Variants in NXPE2 observed in about 807,000 individuals in gnomAD.
NXPE2 encodes the protein NXPE family member 2.
A neutral mutation model predicts 34.4 loss-of-function variants in NXPE2; 34 were observed. The observed-to-expected ratio is 0.99, with a 90% CI of 0.75 to 1.31. The LOEUF (loss-of-function observed/expected upper bound fraction) is 1.31, where lower values mean the gene tolerates loss of function less well. NXPE2 is among the 40% of genes most tolerant of loss of function. The probability of loss-of-function intolerance (pLI) is 0.00; values close to 1 mark genes in which losing one functional copy is unlikely to be tolerated. For synonymous variants in NXPE2, 235 were observed against 231.3 expected (o/e 1.02, Z -0.15); for missense variants, 649 against 672.5 (o/e 0.97, Z 0.39).
upstream of NXPE2, among the ~76,000 whole-genome samples, chr11:114,674,060 G>C (rs1269815962): frequency 6.6e-6 from 1 of 151,408 alleles, no homozygotes; most frequent in African/African-American, 2.4e-5. Context: ...AGGAGAGAAG[G>C]GGCCTCCAGG....
chr11:114,470,201 A>G, the NXPE2 span, among the ~76,000 whole-genome samples: 1 of 152,002 alleles, frequency 6.6e-6, no homozygotes, highest in African/African-American at 2.4e-5. Context: ...TTTCTCTTGG[A>G]AGAATACCTA....
intron 2 of NXPE2, among the ~76,000 whole-genome samples, chr11:114,681,047 C>T (rs543097521): frequency 6.6e-6 from 1 of 152,262 alleles, no homozygotes; most frequent in Non-Finnish European, 1.5e-5. Flanking sequence ...GTCAATCAAG[C>T]TAAAACTCCC....
chr11:114,567,477 G>T, the NXPE2 span, among the ~76,000 whole-genome samples: 3 of 151,982 alleles, frequency 2.0e-5, no homozygotes, highest in Admixed American at 6.6e-5. Context: ...AGGCTGAACG[G>T]CAGCCTTGGG....
At chr11:114,553,992 G>C in the NXPE2 span, 1 of 985,358 alleles carries the variant, frequency 1.0e-6, no homozygotes, top group Non-Finnish European at 1.2e-6. Flanking sequence ...AAGTCAACTT[G>C]TCCAATTGCA....
chr11:114,519,693 A>G, the NXPE2 span, among the ~76,000 whole-genome samples: 20 of 152,174 alleles, frequency 1.3e-4, no homozygotes, highest in Non-Finnish European at 2.8e-4. Context: ...AGAGTGGTGC[A>G]GAGGCTTCAG....
At chr11:114,769,413 A>G in the NXPE2 span, among the ~76,000 whole-genome samples, 1 of 152,184 alleles carries the variant, frequency 6.6e-6, no homozygotes, top group African/African-American at 2.4e-5. Context: ...CAATTCCTCA[A>G]GGATCTAGAA....
upstream of NXPE2, among the ~76,000 whole-genome samples, chr11:114,675,682 T>C (rs955643153): frequency 1.3e-5 from 2 of 151,898 alleles, no homozygotes; most frequent in Non-Finnish European, 2.9e-5. Context: ...GCCCAAAACA[T>C]TCTACAGATT....
At chr11:114,572,942 A>T in the NXPE2 span, among the ~76,000 whole-genome samples, 3 of 152,174 alleles carry the variant, frequency 2.0e-5, no homozygotes, top group Non-Finnish European at 4.4e-5. Flanking sequence ...TGAAGGAAAA[A>T]ATCTTAAGAG....
chr11:114,755,005 C>T, the NXPE2 span, among the ~76,000 whole-genome samples: 6 of 152,086 alleles, frequency 3.9e-5, no homozygotes, highest in East Asian at 1.9e-4. Context: ...AAGTAAGTTG[C>T]GATCTATGAG....
At chr11:114,524,061 C>T in the NXPE2 span, among the ~76,000 whole-genome samples, 1 of 152,200 alleles carries the variant, frequency 6.6e-6, no homozygotes, top group Admixed American at 6.5e-5. Flanking sequence ...GACATTCTTA[C>T]TGTGTGGCTT....
At chr11:114,643,099 A>T in the NXPE2 span, among the ~76,000 whole-genome samples, 2 of 151,982 alleles carry the variant, frequency 1.3e-5, no homozygotes, top group Non-Finnish European at 2.9e-5. Context: ...CCACATTTTG[A>T]TGGGGTTGTT....
chr11:114,696,738 A>G (rs1951265812), intron 2 of NXPE2, among the ~76,000 whole-genome samples: 1 of 152,202 alleles, frequency 6.6e-6, no homozygotes, highest in African/African-American at 2.4e-5. Context: ...ATGTAGAGAG[A>G]AAGTCAGTTT....
chr11:114,514,905 ATATATT>A, the NXPE2 span, among the ~76,000 whole-genome samples: 4 of 152,180 alleles, frequency 2.6e-5, no homozygotes, highest in Middle Eastern at 3.4e-3. Context: ...TTAATAAACT[ATATATT>A]TATATGTATC....
At chr11:114,543,535 C>A in the NXPE2 span, among the ~76,000 whole-genome samples, 1 of 149,828 alleles carries the variant, frequency 6.7e-6, no homozygotes, top group African/African-American at 2.5e-5. Context: ...AAAAAAAAAT[C>A]TTTTTAGATT....
chr11:114,601,332 G>T, the NXPE2 span, among the ~76,000 whole-genome samples: 1 of 148,514 alleles, frequency 6.7e-6, no homozygotes, highest in African/African-American at 2.5e-5. Context: ...TTATAAGTGA[G>T]AATATGTGGT....
At chr11:114,769,309 C>CAA in the NXPE2 span, among the ~76,000 whole-genome samples, 1 of 152,016 alleles carries the variant, frequency 6.6e-6, no homozygotes, top group Non-Finnish European at 1.5e-5. Context: ...AGTCAGGAAA[C>CAA]AACAGATGCT....
the NXPE2 span, among the ~76,000 whole-genome samples, chr11:114,538,126 A>C: frequency 6.6e-6 from 1 of 152,196 alleles, no homozygotes; most frequent in South Asian, 2.1e-4. Context: ...ATAATGCCAC[A>C]TATCTACAAC....
intron 2 of NXPE2, among the ~76,000 whole-genome samples, chr11:114,681,254 C>G (rs890366187): frequency 6.6e-6 from 1 of 152,172 alleles, no homozygotes; most frequent in African/African-American, 2.4e-5. Context: ...ATTCAAAAAA[C>G]CTTTGTTAAA....
the NXPE2 span, among the ~76,000 whole-genome samples, chr11:114,766,509 C>A: frequency 6.6e-6 from 1 of 152,070 alleles, no homozygotes; most frequent in Non-Finnish European, 1.5e-5. Flanking sequence ...TCTTCCTCTT[C>A]ACTCCTCTCC....
Sources: gnomAD v4.1 joint callset for allele counts (sites outside exome capture counted in the v4.1 genomes callset) on GRCh38, gnomAD v4.1.1 for gene constraint, MANE v1.5 for transcripts, NCBI Gene and HGNC (gene_info 2026-07-23, HGNC 2026-07-21) for gene names.